DPP10: variants seen among roughly 807,000 people sequenced by gnomAD.
DPP10 encodes the protein dipeptidyl peptidase like 10.
A neutral mutation model predicts 120.9 loss-of-function variants in DPP10; 33 were observed. The observed-to-expected ratio is 0.27, with a 90% confidence interval of 0.21 to 0.37. The LOEUF (loss-of-function observed/expected upper bound fraction) is 0.37. Among genes scored for constraint, DPP10 ranks in the 10% least tolerant of loss-of-function variants. The pLI is 1.00. For missense variants in DPP10, 816 were observed against 942.8 expected (o/e 0.87, Z 1.76); for synonymous variants, 337 against 326.1 (o/e 1.03, Z -0.36).
At chr2:114,550,478 TGGG>T (rs1324857536) in intron 1 of DPP10, among the ~76,000 whole-genome samples, 4 of 152,256 alleles carry the variant, frequency 2.6e-5, no homozygotes, top group Non-Finnish European at 5.9e-5. Context: ...GGAGCAGGGC[TGGG>T]ACTTCGACCA....
At chr2:114,443,833 A>G (rs1280353128) in intron 1 of DPP10, among the ~76,000 whole-genome samples, 4 of 152,048 alleles carry the variant, frequency 2.6e-5, no homozygotes, top group African/African-American at 7.2e-5. Context: ...TATGATTTAT[A>G]TTATGTTTTG....
At chr2:115,449,448 A>T (rs2072919981) in intron 3 of DPP10, among the ~76,000 whole-genome samples, 1 of 152,134 alleles carries the variant, frequency 6.6e-6, no homozygotes, top group Non-Finnish European at 1.5e-5. Context: ...GTGGGGGGCC[A>T]ATATAATGTG....
At chr2:115,340,512 T>A (rs2063390896) in intron 2 of DPP10, among the ~76,000 whole-genome samples, 1 of 151,940 alleles carries the variant, frequency 6.6e-6, no homozygotes, top group African/African-American at 2.4e-5. Flanking sequence ...AGTGTTATTT[T>A]AATAAAATTT....
chr2:115,383,104 A>G (rs1053353757), intron 3 of DPP10, among the ~76,000 whole-genome samples: 1 of 152,214 alleles, frequency 6.6e-6, no homozygotes, highest in Admixed American at 6.5e-5. Context: ...CACAATGGGT[A>G]AATAGCCTGA....
chr2:114,634,448 C>T (rs953093703), intron 1 of DPP10, among the ~76,000 whole-genome samples: 2 of 151,682 alleles, frequency 1.3e-5, no homozygotes, highest in African/African-American at 4.9e-5. Flanking sequence ...TTTGCCTGAA[C>T]ACACATGGCC....
At chr2:114,913,956 C>T (rs1363248207) in intron 1 of DPP10, among the ~76,000 whole-genome samples, 2 of 152,112 alleles carry the variant, frequency 1.3e-5, no homozygotes, top group Non-Finnish European at 1.5e-5. Flanking sequence ...ACAGAATAGA[C>T]CAAGCTGAGG....
intron 1 of DPP10, among the ~76,000 whole-genome samples, chr2:114,643,460 T>TACTGACAA (rs1558960381): frequency 6.6e-6 from 1 of 151,884 alleles, no homozygotes; most frequent in Non-Finnish European, 1.5e-5. Context: ...GCATGCAGGA[T>TACTGACAA]ACTGACAAGC....
At chr2:114,825,519 C>G (rs1292185991) in intron 1 of DPP10, among the ~76,000 whole-genome samples, 1 of 152,096 alleles carries the variant, frequency 6.6e-6, no homozygotes, top group East Asian at 1.9e-4. Flanking sequence ...AGAATATTTT[C>G]TAAACATAAA....
At chr2:115,719,649 A>G (rs1451326318) in intron 7 of DPP10, among the ~76,000 whole-genome samples, 1 of 152,206 alleles carries the variant, frequency 6.6e-6, no homozygotes, top group Non-Finnish European at 1.5e-5. Flanking sequence ...AGAATTTTAT[A>G]AAAAGTAAAG....
At chr2:114,694,691 C>T (rs761691193) in intron 1 of DPP10, among the ~76,000 whole-genome samples, 3 of 151,814 alleles carry the variant, frequency 2.0e-5, no homozygotes, top group Admixed American at 6.6e-5. Flanking sequence ...ACAACAGAAC[C>T]GTATAAGTAC....
intron 1 of DPP10, among the ~76,000 whole-genome samples, chr2:115,035,151 T>C (rs1457291636): frequency 6.6e-6 from 1 of 152,248 alleles, no homozygotes; most frequent in Non-Finnish European, 1.5e-5. Context: ...TTTATACCTA[T>C]GCTCTATGCC....
At chr2:115,506,161 T>C (rs2076929403) in intron 4 of DPP10, among the ~76,000 whole-genome samples, 1 of 152,124 alleles carries the variant, frequency 6.6e-6, no homozygotes, top group East Asian at 1.9e-4. Context: ...TTTGATGATG[T>C]AGAACTATGC....
chr2:114,901,572 A>C (rs530379983), intron 1 of DPP10, among the ~76,000 whole-genome samples: 2 of 152,300 alleles, frequency 1.3e-5, no homozygotes, highest in South Asian at 4.1e-4. Flanking sequence ...CATTCACATC[A>C]ATTTGTGAGG....
intron 13 of DPP10, among the ~76,000 whole-genome samples, chr2:115,776,388 T>G (rs1400451620): frequency 6.6e-6 from 1 of 152,130 alleles, no homozygotes; most frequent in African/African-American, 2.4e-5. Flanking sequence ...CTTGTGTTAC[T>G]TTGCTAAGAA....
At chr2:115,286,495 T>TATATATTACATATATAATATATATATAAA (rs1559366571) in intron 1 of DPP10, among the ~76,000 whole-genome samples, 4 of 77,618 alleles carry the variant, frequency 5.2e-5, no homozygotes, top group African/African-American at 1.7e-4. Context: ...ATATATAATA[T>TATATATTACATATATAATATATATATAAA]ATATATATTA....
At chr2:114,552,481 C>T (rs2082131) in intron 1 of DPP10, among the ~76,000 whole-genome samples, 36,436 of 152,078 alleles carry the variant, frequency 0.24, 4,669 homozygotes, top group African/African-American at 0.34. Flanking sequence ...ATGGAATAAA[C>T]GTAATGCCTA....
At chr2:115,409,911 A>T (rs1037497879) in intron 3 of DPP10, among the ~76,000 whole-genome samples, 2 of 152,234 alleles carry the variant, frequency 1.3e-5, no homozygotes, top group Admixed American at 6.5e-5. Context: ...GTAACTCGGG[A>T]TTGGAAAACT....
intron 1 of DPP10, among the ~76,000 whole-genome samples, chr2:114,480,877 C>A (rs1471067870): frequency 1.3e-5 from 2 of 150,104 alleles, no homozygotes; most frequent in Non-Finnish European, 3.0e-5. Flanking sequence ...AAAAAGTACA[C>A]CCCCCAAAAA....
At chr2:114,660,177 G>A (rs1368265496) in intron 1 of DPP10, among the ~76,000 whole-genome samples, 1 of 152,120 alleles carries the variant, frequency 6.6e-6, no homozygotes, top group East Asian at 1.9e-4. Flanking sequence ...GGAAATAGGT[G>A]GGCTATATCG....
Sources: allele counts gnomAD v4.1 joint callset (sites outside exome capture counted in the v4.1 genomes callset), GRCh38; gene constraint gnomAD v4.1.1; transcripts MANE v1.5; gene names NCBI Gene and HGNC (gene_info 2026-07-23, HGNC 2026-07-21).